The following MYH13 variants were observed in gnomAD, a reference collection of about 807,000 sequenced individuals.
The protein encoded by MYH13 is myosin heavy chain 13.
MYH13 carries 177 observed loss-of-function variants against 232.1 expected under a neutral mutation model. That is an observed-to-expected ratio of 0.76 (90% CI 0.67 to 0.86). The LOEUF (loss-of-function observed/expected upper bound fraction) is 0.86, where lower values mean the gene tolerates loss of function less well. Among genes scored for constraint, MYH13 ranks in the 40% least tolerant of loss-of-function variants. The pLI, the probability that MYH13 is intolerant of heterozygous loss-of-function variation, is 0.00. For missense variants in MYH13, 2,246 were observed against 2,405.9 expected (o/e 0.93, Z 1.39); for synonymous variants, 884 against 923.5 (o/e 0.96, Z 0.78).
intron 3 of MYH13, among the ~76,000 whole-genome samples, chr17:10,363,167 A>G (rs1411038335): frequency 6.6e-6 from 1 of 151,652 alleles, no homozygotes; most frequent in Admixed American, 6.6e-5. Context: ...TCTGCACTCC[A>G]TGGCTCAGGA....
intron 23 of MYH13, among the ~76,000 whole-genome samples, chr17:10,322,854 C>A (rs1331507056): frequency 6.6e-6 from 1 of 152,000 alleles, no homozygotes; most frequent in Non-Finnish European, 1.5e-5. Context: ...AGGATGGTCT[C>A]GATCTCCTGA....
intron 20 of MYH13, 86 bp downstream of exon 20, chr17:10,332,013 G>A: frequency 6.4e-7 from 1 of 1,556,200 alleles, no homozygotes; most frequent in Non-Finnish European, 8.8e-7. Flanking sequence ...GGACCAAAAG[G>A]AGAAGGGGAC....
chr17:10,325,186 C>T (rs1907159908), intron 22 of MYH13, among the ~76,000 whole-genome samples: 3 of 152,052 alleles, frequency 2.0e-5, no homozygotes, highest in Admixed American at 2.0e-4. Flanking sequence ...AAGAATGAAG[C>T]CTCTAGAAAT....
Position 10,312,603 on chromosome 17 carries a change from G to A in MYH13, c.4336C>T (p.Leu1446=), listed in dbSNP as rs201251488. 4.3e-6 allele frequency: 7 copies of A among 1,613,432 alleles called. No individual in the cohort carries two copies. The East Asian group carries it at 1.3e-4, about 31-fold the overall frequency. ...TCGAAGTTCCTCTGCTTCTTGTCCA[G>A]TGTGGCACAGGCGGTGTGGGAGCGC... The part of the protein sequence containing the change: ...LERSHTACAT[L]DKKQRNFDKV... The change falls in exon 31 of 41, where the codon CTG becomes TTG. Residue 1446 remains leucine (L), a synonymous_variant. Transcript: ENST00000252172.
chr17:10,354,574 C>G, intron 11 of MYH13, 106 bp downstream of exon 11: 2 of 1,036,726 alleles, frequency 1.9e-6, no homozygotes, highest in Non-Finnish European at 2.9e-6. Context: ...AGTCTAATCA[C>G]TTAGTATCCC....
Position 10,328,093 on chromosome 17 carries a change from TG to T in MYH13, c.2463del (p.Asn821LysfsTer6), listed in dbSNP as rs1300805053. The T allele has an allele frequency of 6.2e-7, 1 of 1,613,894 alleles. No individual in the cohort carries two copies. Among genetic ancestry groups the T allele is most frequent in the Non-Finnish European group, 8.5e-7 (1 of 1,179,978 alleles). The stretch of plus-strand genomic sequence containing the variant: ...TGCTTGACGTTCATAAAAGAGCGGA[TG>T]TTGTACTGGATGCAGAAGATGGAGT... ...RRDSIFCIQY[N>X]IRSFMNVKHW... is the part of the protein sequence containing the mutation. On this transcript the variant is annotated frameshift_variant, in exon 22 of 41. Coordinates refer to ENST00000252172, the MANE Select transcript of MYH13 (RefSeq NM_003802.3). LOFTEE classifies it high-confidence loss of function.
Position 10,338,845 on chromosome 17 carries a change from C to T in MYH13, c.2056+1305G>A, listed in dbSNP as rs547188921. On this transcript the variant is annotated intron_variant, in intron 18 of 40. Coordinates refer to ENST00000252172, the MANE Select transcript of MYH13 (RefSeq NM_003802.3). The stretch of plus-strand genomic sequence containing the variant: ...CCTCCCGAATAGCTGGGACTACAGG[C>T]GCCCGCCACCACGCCCAGCTAATTT... Among the ~76,000 whole-genome samples the T allele has an allele frequency of 2.8e-4, 43 of 152,116 alleles. No individual in the cohort carries two copies. In the South Asian group the frequency reaches 8.3e-3, roughly 29 times the overall value.
intron 21 of MYH13, 80 bp downstream of exon 21, chr17:10,330,306 TC>T: frequency 6.4e-7 from 1 of 1,559,444 alleles, no homozygotes; most frequent in Non-Finnish European, 8.7e-7. Flanking sequence ...CACATGGAAA[TC>T]CCAAGACTAA....
rs761719632 is a variant in MYH13 at position 10,336,924 on chromosome 17, T to G, written c.2056+3226A>C. ...CCCCTCCTCTTGAGCACTGTGTCTT[T>G]TTTTTTTTTTTGAGAAGGAGTCTCC... is the stretch of plus-strand genomic sequence containing the variant. On this transcript the variant is annotated intron_variant, in intron 18 of 40. Coordinates refer to ENST00000252172, the MANE Select transcript of MYH13 (RefSeq NM_003802.3). Among the ~76,000 whole-genome samples, 1,077 of 149,156 alleles carry G rather than the reference T, an allele frequency of 7.2e-3. 9 individuals are homozygous for G. Among genetic ancestry groups the G allele is most frequent in the Non-Finnish European group, 0.012 (801 of 66,898 alleles).
intron 23 of MYH13, 65 bp from the exon 24 acceptor site, chr17:10,321,773 G>T: frequency 7.0e-7 from 1 of 1,422,612 alleles, no homozygotes; most frequent in Non-Finnish European, 9.6e-7. Context: ...ATCAACAAAA[G>T]CTATTGCTTC....
chr17:10,311,032 G>C (rs1412171702), intron 33 of MYH13, 71 bp downstream of exon 33: 19 of 1,585,396 alleles, frequency 1.2e-5, no homozygotes, highest in Non-Finnish European at 1.6e-5. Flanking sequence ...GGCCCCATGG[G>C]GTGGTGAAGG....
chr17:10,321,279 G>A (rs1180167374), intron 24 of MYH13, among the ~76,000 whole-genome samples: 1 of 152,190 alleles, frequency 6.6e-6, no homozygotes, highest in Admixed American at 6.5e-5. Flanking sequence ...TGTGTGCTGA[G>A]CTTTCTGTGA....
rs2071844079 is a variant in MYH13 at position 10,367,173 on chromosome 17, G to A, written c.-12-2631C>T. 2.0e-5 allele frequency among the ~76,000 whole-genome samples: 3 copies of A among 152,158 alleles called. No individual in the cohort carries two copies. The South Asian group carries it at 6.2e-4, about 31-fold the overall frequency. On this transcript the variant is annotated intron_variant, in intron 2 of 40. Transcript: ENST00000252172. ...ACAGCAGCGGTTCTCAAACTTTGTGGTTTCAGGACGCCTTCGCACTCTTAA... is the reference window on the plus strand; with the variant it reads ...ACAGCAGCGGTTCTCAAACTTTGTGATTTCAGGACGCCTTCGCACTCTTAA...
At chr17:10,334,729 A>AT (rs1191928802) in intron 18 of MYH13, among the ~76,000 whole-genome samples, 2 of 152,000 alleles carry the variant, frequency 1.3e-5, no homozygotes, top group African/African-American at 4.8e-5. Context: ...AAATACAAAA[A>AT]TTAGCCGGGC....
At chr17:10,338,689 G>GTTTTTTTTTTTTT (rs757791680) in intron 18 of MYH13, among the ~76,000 whole-genome samples, 338 of 108,686 alleles carry the variant, frequency 3.1e-3, no homozygotes, top group Non-Finnish European at 5.3e-3. Context: ...TTTTATCCTT[G>GTTTTTTTTTTTTT]TTTTTTTTTT....
rs1907430194 is a variant in MYH13, at chr17:10,332,160, G to A, written c.2237C>T (p.Ser746Leu). ...EGQFIDSKNA[S>L]EKLLNSIDVD... Reference sequence around the variant, plus strand: ...ATCGATGGAGTTGAGGAGCTTCTCTGAGGCATTTTTGCTGTCAATGAACTG... The same window carrying A: ...ATCGATGGAGTTGAGGAGCTTCTCTAAGGCATTTTTGCTGTCAATGAACTG... Residue 746 changes from serine to leucine, a missense_variant, in exon 20 of 41, where the codon TCA becomes TTA. Physicochemically the swap from Ser to Leu is moderately radical, Grantham distance 145. Transcript: ENST00000252172. 5 of 1,614,024 alleles carry A rather than the reference G, an allele frequency of 3.1e-6. No individual in the cohort carries two copies. In the South Asian group the frequency reaches 4.4e-5, roughly 14 times the overall value.
chr17:10,358,010 A>G (rs986729269), intron 7 of MYH13, among the ~76,000 whole-genome samples, 183 bp from the exon 8 acceptor site: 24 of 151,526 alleles, frequency 1.6e-4, no homozygotes, highest in Admixed American at 1.4e-3. Context: ...TCAAGGTACC[A>G]TCTTAGACAG....
intron 2 of MYH13, among the ~76,000 whole-genome samples, chr17:10,366,795 ATTGGTAACT>A (rs2071841521): frequency 1.3e-5 from 2 of 152,150 alleles, no homozygotes; most frequent in Non-Finnish European, 2.9e-5. Context: ...TGCTCTCTTT[ATTGGTAACT>A]GGCCATTGTT....
chr17:10,323,898 C>G, intron 23 of MYH13, 124 bp downstream of exon 23: 1 of 1,323,988 alleles, frequency 7.6e-7, no homozygotes, highest in Non-Finnish European at 1.0e-6. Flanking sequence ...TTCACCTTGA[C>G]GCCAGCCTCT....
Sources: allele counts gnomAD v4.1 joint callset (sites outside exome capture counted in the v4.1 genomes callset), GRCh38; gene constraint gnomAD v4.1.1; transcripts MANE v1.5; gene names NCBI Gene and HGNC (gene_info 2026-07-23, HGNC 2026-07-21).